The following PTGER3 variants were observed in gnomAD, a reference collection of about 807,000 sequenced individuals.
PTGER3 encodes prostaglandin E2 receptor EP3 subtype.
PTGER3 carries 22 observed loss-of-function variants against 34.7 expected under a neutral mutation model. That is an observed-to-expected ratio of 0.63 (90% CI 0.45 to 0.91). The LOEUF (loss-of-function observed/expected upper bound fraction) is 0.91. PTGER3 is among the 40% of genes least tolerant of loss of function. The pLI is 0.00. For missense variants in PTGER3, 468 were observed against 519.4 expected (o/e 0.90, Z 0.96); for synonymous variants, 241 against 230.1 (o/e 1.05, Z -0.43).
At chr1:71,037,580 A>G (rs1572997687) in intron 1 of PTGER3, among the ~76,000 whole-genome samples, 1 of 152,310 alleles carries the variant, frequency 6.6e-6, no homozygotes, top group East Asian at 1.9e-4. Flanking sequence ...CTTTTTCCTA[A>G]TAAGTTTTTA....
chr1:70,929,318 G>C (rs943182187), intron 4 of PTGER3, among the ~76,000 whole-genome samples: 2 of 152,158 alleles, frequency 1.3e-5, no homozygotes, highest in African/African-American at 4.8e-5. Context: ...TTGGTTACTG[G>C]GCTAATCTTA....
chr1:70,858,622 A>C (rs1366327658), intron 4 of PTGER3, among the ~76,000 whole-genome samples: 1 of 152,150 alleles, frequency 6.6e-6, no homozygotes, highest in Non-Finnish European at 1.5e-5. Context: ...GAAAATTGGG[A>C]CCAACAAAAT....
intron 4 of PTGER3, among the ~76,000 whole-genome samples, chr1:70,866,049 A>G (rs1405439121): frequency 6.6e-6 from 1 of 152,136 alleles, no homozygotes; most frequent in Non-Finnish European, 1.5e-5. Context: ...TTTGCTGCCA[A>G]CTGCTACTTG....
intron 4 of PTGER3, among the ~76,000 whole-genome samples, chr1:70,894,309 CAA>C (rs35974984): frequency 6.2e-4 from 29 of 46,716 alleles, no homozygotes; most frequent in Middle Eastern, 0.013. Flanking sequence ...AACTCCATCT[CAA>C]AAAAAAAAAA....
chr1:70,903,712 C>G (rs1008263853), intron 4 of PTGER3, among the ~76,000 whole-genome samples: 2 of 152,052 alleles, frequency 1.3e-5, no homozygotes, highest in African/African-American at 4.8e-5. Context: ...GGGGAATAAA[C>G]CAGAGGAGGA....
intron 4 of PTGER3, among the ~76,000 whole-genome samples, chr1:70,915,348 T>C (rs1453462703): frequency 6.6e-6 from 1 of 151,740 alleles, no homozygotes; most frequent in Non-Finnish European, 1.5e-5. Flanking sequence ...AATGAACACA[T>C]TAATGCATGG....
intron 2 of PTGER3, chr1:71,010,609 TG>T: frequency 2.0e-6 from 2 of 984,774 alleles, no homozygotes; most frequent in South Asian, 4.7e-5. Flanking sequence ...AGTGCACTTT[TG>T]AAAAAAAGTA....
intron 2 of PTGER3, among the ~76,000 whole-genome samples, chr1:70,988,404 C>T (rs986271429): frequency 1.1e-4 from 17 of 152,164 alleles, no homozygotes; most frequent in Non-Finnish European, 2.5e-4. Flanking sequence ...GACTAAAACA[C>T]TGCATTTCCA....
intron 4 of PTGER3, among the ~76,000 whole-genome samples, chr1:70,893,790 G>C (rs1415880977): frequency 6.6e-6 from 1 of 152,108 alleles, no homozygotes; most frequent in African/African-American, 2.4e-5. Flanking sequence ...ATTGCTGCTA[G>C]GAATAAGAGC....
intron 2 of PTGER3, chr1:71,007,464 A>G: frequency 1.0e-6 from 1 of 985,398 alleles, no homozygotes; most frequent in Non-Finnish European, 1.2e-6. Context: ...CTGGCCACTC[A>G]GTAGTACTAC....
chr1:70,898,088 T>C (rs1646760812), intron 4 of PTGER3, among the ~76,000 whole-genome samples: 1 of 152,094 alleles, frequency 6.6e-6, no homozygotes, highest in Non-Finnish European at 1.5e-5. Context: ...GTATTTAGTG[T>C]CTCCTATGCA....
At chr1:71,008,256 G>A in intron 2 of PTGER3, 1 of 920,592 alleles carries the variant, frequency 1.1e-6, no homozygotes, top group Non-Finnish European at 1.3e-6. Context: ...CAAAGCTTCT[G>A]AAAATAAGAT....
At chr1:70,897,694 G>A (rs1451882859) in intron 4 of PTGER3, among the ~76,000 whole-genome samples, 2 of 152,072 alleles carry the variant, frequency 1.3e-5, no homozygotes, top group African/African-American at 2.4e-5. Flanking sequence ...ACAAAAACCT[G>A]GTTAAAAGCT....
At chr1:70,926,471 G>A (rs1648097813) in intron 4 of PTGER3, among the ~76,000 whole-genome samples, 1 of 151,934 alleles carries the variant, frequency 6.6e-6, no homozygotes, top group Admixed American at 6.6e-5. Context: ...TCATGATTTG[G>A]CTCTCTGTTT....
intron 4 of PTGER3, among the ~76,000 whole-genome samples, chr1:70,915,580 A>C (rs1379058109): frequency 6.6e-6 from 1 of 151,958 alleles, no homozygotes; most frequent in East Asian, 1.9e-4. Context: ...TTAAAGTCAC[A>C]ATAAACTTTA....
At chr1:70,928,705 C>A (rs72669163) in intron 4 of PTGER3, among the ~76,000 whole-genome samples, 9,313 of 152,098 alleles carry the variant, frequency 0.061, 392 homozygotes, top group Middle Eastern at 0.095. Flanking sequence ...AATTGGAAAC[C>A]GGAGAAACTT....
intron 1 of PTGER3, among the ~76,000 whole-genome samples, chr1:71,023,476 G>A (rs1658607984): frequency 6.6e-6 from 1 of 151,792 alleles, no homozygotes; most frequent in Non-Finnish European, 1.5e-5. Flanking sequence ...ACTATGTGTG[G>A]TCTTTCATCT....
chr1:71,002,852 G>A (rs576390936), intron 2 of PTGER3, among the ~76,000 whole-genome samples: 1 of 152,260 alleles, frequency 6.6e-6, no homozygotes, highest in East Asian at 1.9e-4. Flanking sequence ...GCTCCTCCTG[G>A]ATCTCCTAAG....
Position 70,852,638 on chromosome 1 carries a change from T to C in PTGER3, c.*245A>G, listed in dbSNP as rs1645706201. The C allele has an allele frequency of 4.5e-6, 3 of 660,948 alleles. No homozygotes were observed. The Admixed American group carries it at 8.9e-5, about 20-fold the overall frequency. The allele number at this position is 660,948 out of a possible 1,614,324, so 40.9% of individuals were successfully genotyped here. ...ATAGGACATAAGTTTAATTGATGTA[T>C]GTAGATATAGTAAAAGTACAAAAAC... On this transcript the variant is annotated 3_prime_UTR_variant, in exon 5 of 5. Transcript: ENST00000370931.
Sources: allele counts gnomAD v4.1 joint callset (sites outside exome capture counted in the v4.1 genomes callset), GRCh38; gene constraint gnomAD v4.1.1; transcripts MANE v1.5; gene names NCBI Gene and HGNC (gene_info 2026-07-23, HGNC 2026-07-21).